The following SHTN1 variants were observed in gnomAD, a reference collection of about 807,000 sequenced individuals.
SHTN1 encodes the protein shootin 1.
SHTN1 carries 42 observed loss-of-function variants against 83.1 expected under a neutral mutation model. The ratio of observed to expected loss-of-function variants is 0.51; its 90% CI spans 0.39 to 0.65. The LOEUF is 0.65. Among genes scored for constraint, SHTN1 ranks in the 30% least tolerant of loss-of-function variants. The probability of loss-of-function intolerance (pLI) is 0.00; values close to 1 mark genes in which losing one functional copy is unlikely to be tolerated. For synonymous variants in SHTN1, 224 were observed against 247.7 expected (o/e 0.90, Z 0.90); for missense variants, 622 against 737.8 (o/e 0.84, Z 1.82).
At chr10:117,079,047 T>A (rs1853211746) in intron 1 of SHTN1, among the ~76,000 whole-genome samples, 1 of 152,122 alleles carries the variant, frequency 6.6e-6, no homozygotes, top group South Asian at 2.1e-4. Flanking sequence ...TATTTATTTT[T>A]TTATTATTAT....
rs1324107929 is a variant in SHTN1 at position 116,883,949 on chromosome 10, A to C, written c.*2395T>G. Reference sequence around the variant, plus strand: ...AAAAAGAGACATTTTCTTTTTCTTTAATAGCAATGGCACAAAGTACCTCTA... The same window carrying C: ...AAAAAGAGACATTTTCTTTTTCTTTCATAGCAATGGCACAAAGTACCTCTA... On this transcript the variant is annotated 3_prime_UTR_variant, in exon 17 of 17. Coordinates refer to ENST00000355371, the MANE Select transcript of SHTN1 (RefSeq NM_001127211.3). 1.1e-5 allele frequency: 2 copies of C among 189,998 alleles called. No individual in the cohort carries two copies. Among genetic ancestry groups the C allele is most frequent in the African/African-American group, 4.8e-5 (2 of 41,718 alleles). 11.8% of individuals were successfully genotyped at this position (189,998 alleles called of 1,614,324 possible). A position where few individuals can be genotyped will look rare whatever the true frequency, so the allele number is the denominator to read the frequency against.
intron 1 of SHTN1, among the ~76,000 whole-genome samples, chr10:117,049,817 C>T (rs971210759): frequency 3.3e-5 from 5 of 151,936 alleles, no homozygotes; most frequent in African/African-American, 7.3e-5. Flanking sequence ...AAATGTTTTT[C>T]GGTATGAAAA....
chr10:116,894,261 A>G (rs1371203494), intron 16 of SHTN1, among the ~76,000 whole-genome samples: 3 of 152,206 alleles, frequency 2.0e-5, no homozygotes, highest in Admixed American at 2.0e-4. Context: ...ACAGACATAG[A>G]AATTAAATGC....
chr10:116,960,482 C>T (rs555446269), intron 3 of SHTN1, among the ~76,000 whole-genome samples: 11 of 152,148 alleles, frequency 7.2e-5, no homozygotes, highest in Middle Eastern at 3.4e-3. Context: ...ATTTTAAGAG[C>T]GCTATTTAGA....
intron 16 of SHTN1, among the ~76,000 whole-genome samples, chr10:116,898,255 G>A (rs1437795450): frequency 6.6e-6 from 1 of 151,938 alleles, no homozygotes; most frequent in East Asian, 1.9e-4. Flanking sequence ...TTGAACTTGG[G>A]TGGCGGAGGT....
rs766259439 is a variant in SHTN1, at chr10:116,948,989, T to G, written c.543A>C (p.Lys181Asn). 6.4e-7 allele frequency: 1 copy of G among 1,556,948 alleles called. No individual in the cohort carries two copies. The highest frequency in any genetic ancestry group is 2.3e-5 in the East Asian group (1 of 43,658). The change falls in exon 7 of 17, where the codon AAA becomes AAC. Residue 181 changes from lysine (K) to asparagine (N), a missense_variant. By Grantham distance (94) the Lys-to-Asn change is moderately conservative. Around this residue, in one of 3 missense-constraint regions of SHTN1, gnomAD observed 383 missense variants for 455.8 expected, o/e 0.84. Coordinates refer to ENST00000355371, the MANE Select transcript of SHTN1 (RefSeq NM_001127211.3). ...TTAAAACAGTCTTTTCTTGTTTAACTTTATTTACCTAAAAATGTGAAATTT... is the reference window on the plus strand; with the variant it reads ...TTAAAACAGTCTTTTCTTGTTTAACGTTATTTACCTAAAAATGTGAAATTT... ...KLVEVIEEVN[K>N]VKQEKTVLNS... is the part of the protein sequence containing the mutation.
chr10:116,938,355 G>A (rs1272673533), intron 9 of SHTN1, among the ~76,000 whole-genome samples: 3 of 152,108 alleles, frequency 2.0e-5, no homozygotes, highest in African/African-American at 7.2e-5. Flanking sequence ...TTTTTGCATG[G>A]ATGTCCTTTT....
At chr10:117,044,525 T>C (rs951623615) in intron 2 of SHTN1, among the ~76,000 whole-genome samples, 1 of 152,166 alleles carries the variant, frequency 6.6e-6, no homozygotes, top group Non-Finnish European at 1.5e-5. Flanking sequence ...AATAAATACA[T>C]ACTGTGAAAC....
At chr10:117,032,527 G>T (rs555086791) in intron 2 of SHTN1, among the ~76,000 whole-genome samples, 1 of 152,106 alleles carries the variant, frequency 6.6e-6, no homozygotes, top group East Asian at 1.9e-4. Flanking sequence ...AAATAAACAT[G>T]CACCCAACAT....
At chr10:117,061,919 T>C (rs542994016) in intron 1 of SHTN1, among the ~76,000 whole-genome samples, 1 of 152,336 alleles carries the variant, frequency 6.6e-6, no homozygotes, top group East Asian at 1.9e-4. Flanking sequence ...ATGATTCTCT[T>C]TCTGAATTGA....
chr10:116,894,626 A>T (rs558084754), intron 16 of SHTN1, among the ~76,000 whole-genome samples: 1 of 152,344 alleles, frequency 6.6e-6, no homozygotes, highest in African/African-American at 2.4e-5. Context: ...GAAATGGAAC[A>T]GGAGTTCCCT....
At chr10:117,062,442 G>A (rs886194733) in intron 1 of SHTN1, among the ~76,000 whole-genome samples, 8 of 152,060 alleles carry the variant, frequency 5.3e-5, no homozygotes, top group African/African-American at 1.7e-4. Flanking sequence ...ACATTTTGAG[G>A]TTCTTATTGA....
intron 1 of SHTN1, among the ~76,000 whole-genome samples, chr10:117,059,628 C>A (rs1852871610): frequency 6.6e-6 from 1 of 152,166 alleles, no homozygotes; most frequent in Non-Finnish European, 1.5e-5. Flanking sequence ...CAAAAGGCTG[C>A]ATACTGTATG....
chr10:116,886,631 T>C (rs1236923971), intron 16 of SHTN1, 65 bp from the exon 17 acceptor site: 29 of 1,595,430 alleles, frequency 1.8e-5, no homozygotes, highest in Non-Finnish European at 2.3e-5. Context: ...GTCTCTGATA[T>C]TCTGGATTCA....
At chr10:116,916,800 T>C (rs1848399941) in intron 12 of SHTN1, among the ~76,000 whole-genome samples, 1 of 152,244 alleles carries the variant, frequency 6.6e-6, no homozygotes, top group Non-Finnish European at 1.5e-5. Flanking sequence ...AAGGGATCAC[T>C]GCTATATTCA....
At chr10:117,005,333 A>T, upstream of SHTN1, 1 of 1,298,170 alleles carries the variant, frequency 7.7e-7, no homozygotes, top group Non-Finnish European at 9.8e-7. Context: ...GGGTGGAGGA[A>T]CGAGGGCGGG....
intron 2 of SHTN1, among the ~76,000 whole-genome samples, chr10:117,044,254 G>C (rs1852629375): frequency 6.8e-6 from 1 of 147,702 alleles, no homozygotes; most frequent in Non-Finnish European, 1.5e-5. Flanking sequence ...TATAAATATG[G>C]CTCATTTATA....
chr10:117,011,735 G>C (rs895145287), intron 2 of SHTN1, among the ~76,000 whole-genome samples: 1 of 151,392 alleles, frequency 6.6e-6, no homozygotes, highest in Admixed American at 6.6e-5. Context: ...GAAGCACTTA[G>C]GTATAAATCT....
At chr10:117,030,916 GA>G (rs914763877) in intron 2 of SHTN1, among the ~76,000 whole-genome samples, 6 of 151,974 alleles carry the variant, frequency 3.9e-5, no homozygotes, top group East Asian at 3.9e-4. Flanking sequence ...AGAAGAGGTA[GA>G]AAAAAATATG....
Sources: allele counts gnomAD v4.1 joint callset (sites outside exome capture counted in the v4.1 genomes callset), GRCh38; gene constraint gnomAD v4.1.1; regional missense constraint gnomAD v4.1.1; transcripts MANE v1.5; gene names NCBI Gene and HGNC (gene_info 2026-07-23, HGNC 2026-07-21).